Variants in AGXT2 observed in about 807,000 individuals in gnomAD.
The protein encoded by AGXT2 is alanine--glyoxylate aminotransferase 2, mitochondrial.
A neutral mutation model predicts 62.5 loss-of-function variants in AGXT2; 61 were observed. The observed-to-expected ratio is 0.98, with a 90% CI of 0.79 to 1.21. The LOEUF (loss-of-function observed/expected upper bound fraction) is 1.21, where lower values mean the gene tolerates loss of function less well. Among genes scored for constraint, AGXT2 ranks in the 50% most tolerant of loss-of-function variants. The probability of loss-of-function intolerance (pLI) is 0.00; values close to 1 mark genes in which losing one functional copy is unlikely to be tolerated. For missense variants in AGXT2, 666 were observed against 641.5 expected, an observed-to-expected ratio of 1.04 and a Z score of -0.41; for synonymous variants, 243 against 218.7, an observed-to-expected ratio of 1.11 and a Z score of -0.98.
chr5:35,042,544 T>G (rs1481247579), intron 1 of AGXT2, among the ~76,000 whole-genome samples: 3 of 152,104 alleles, frequency 2.0e-5, no homozygotes, highest in Admixed American at 1.3e-4. Flanking sequence ...TGATATTTGA[T>G]GGACAGAAAG....
At chr5:35,045,764 C>CTTTTTTTTTTT (rs1255749919) in intron 1 of AGXT2, among the ~76,000 whole-genome samples, 1 of 99,164 alleles carries the variant, frequency 1.0e-5, no homozygotes, top group Non-Finnish European at 2.0e-5. Flanking sequence ...TTTCTTTTTT[C>CTTTTTTTTTTT]TTTTTTTTTT....
chr5:35,016,207 A>T (rs1766844376), intron 9 of AGXT2, among the ~76,000 whole-genome samples: 1 of 152,226 alleles, frequency 6.6e-6, no homozygotes, highest in Non-Finnish European at 1.5e-5. Flanking sequence ...ATGGTGAAAA[A>T]TCAGATTGCT....
intron 1 of AGXT2, among the ~76,000 whole-genome samples, chr5:35,041,452 C>T (rs1033114182): frequency 6.6e-6 from 1 of 152,092 alleles, no homozygotes; most frequent in Non-Finnish European, 1.5e-5. Context: ...CCTCTGACTC[C>T]TAGCCCAGTA....
chr5:35,023,165 T>TAAAAAAA (rs35852974), intron 9 of AGXT2, among the ~76,000 whole-genome samples: 3 of 26,942 alleles, frequency 1.1e-4, no homozygotes, highest in Non-Finnish European at 4.0e-4. Flanking sequence ...ATGGCAGATG[T>TAAAAAAA]AAAAAAAAAA....
chr5:35,039,621 G>T, intron 2 of AGXT2, 113 bp from the exon 3 acceptor site: 2 of 1,153,608 alleles, frequency 1.7e-6, no homozygotes, highest in Non-Finnish European at 2.5e-6. Flanking sequence ...CTGCTGGCCT[G>T]TAGAGGCTCA....
intron 5 of AGXT2, among the ~76,000 whole-genome samples, chr5:35,034,690 C>T (rs1263238343): frequency 6.6e-6 from 1 of 152,136 alleles, no homozygotes; most frequent in East Asian, 1.9e-4. Context: ...AATCTATTAT[C>T]AGTGCTCAAA....
In AGXT2 at chr5:35,003,874, T is replaced by A. The variant is rs2112167332; in HGVS notation, c.1339-13A>T. 1 of 1,611,436 alleles carries A rather than the reference T, an allele frequency of 6.2e-7. No individual in the cohort carries two copies. Among genetic ancestry groups the A allele is most frequent in the South Asian group, 1.1e-5 (1 of 90,916 alleles). ...GCCGACAGCTTATCTGTAAATATAT[T>A]TTTAAAATTCTTTCTATTTGGTGTT... On this transcript the variant is annotated splice_polypyrimidine_tract_variant and intron_variant, in intron 12 of 13. Coordinates refer to ENST00000231420, the MANE Select transcript of AGXT2 (RefSeq NM_031900.4).
chr5:35,036,869 C>T (rs1767785916), intron 4 of AGXT2, 73 bp downstream of exon 4: 2 of 1,605,768 alleles, frequency 1.2e-6, no homozygotes, highest in East Asian at 2.2e-5. Context: ...AGACTCCTGT[C>T]TCTTTGAGCT....
At chr5:35,037,567 G>C (rs10941230) in intron 3 of AGXT2, among the ~76,000 whole-genome samples, 12,721 of 149,404 alleles carry the variant, frequency 0.085, 1,280 homozygotes, top group African/African-American at 0.24. Flanking sequence ...TAAGGGATGG[G>C]TTCTCACTGT....
At chr5:35,018,453 A>C (rs576652186) in intron 9 of AGXT2, among the ~76,000 whole-genome samples, 136 of 152,326 alleles carry the variant, frequency 8.9e-4, no homozygotes, top group African/African-American at 3.2e-3. Flanking sequence ...TAAACCCAGA[A>C]TTTCATATCC....
At chr5:35,035,474 A>G (rs344156) in intron 4 of AGXT2, among the ~76,000 whole-genome samples, 158 bp from the exon 5 acceptor site, 100,905 of 152,072 alleles carry the variant, frequency 0.66, 33,595 homozygotes, top group South Asian at 0.77. Flanking sequence ...TAACCACAGT[A>G]TGAATTCCAT....
In AGXT2 at chr5:35,013,088, C is replaced by T. The variant is rs755000445; in HGVS notation, c.1097-43G>A. ...AAGGTGTGGAAAGAGGGACACATTC[C>T]TGTCCACAATCTCTCATCGCGCCAT... On this transcript the variant is annotated intron_variant, in intron 10 of 13. Transcript: ENST00000231420. 8.6e-6 allele frequency: 13 copies of T among 1,508,138 alleles called. No homozygotes were observed. The South Asian group carries it at 1.4e-4, about 17-fold the overall frequency. The allele number at this position is 1,508,138 out of a possible 1,614,324, so 93.4% of individuals were successfully genotyped here.
At chr5:35,011,767 T>C (rs1766650317) in intron 11 of AGXT2, among the ~76,000 whole-genome samples, 1 of 151,938 alleles carries the variant, frequency 6.6e-6, no homozygotes, top group African/African-American at 2.4e-5. Context: ...ATCCCACTTC[T>C]GGGTATCTAC....
At chr5:35,019,333 T>C (rs1284055330) in intron 9 of AGXT2, among the ~76,000 whole-genome samples, 1 of 149,436 alleles carries the variant, frequency 6.7e-6, no homozygotes, top group African/African-American at 2.5e-5. Context: ...AGTAAAGCTC[T>C]CCTCAGCAAA....
chr5:35,028,558 TGAGAGAGAGAGA>T (rs541190371), intron 7 of AGXT2, among the ~76,000 whole-genome samples: 130 of 10,586 alleles, frequency 0.012, no homozygotes, highest in African/African-American at 0.028. Context: ...GCAGGAAAGG[TGAGAGAGAGAGA>T]GAGAGAGAGA....
intron 9 of AGXT2, among the ~76,000 whole-genome samples, chr5:35,022,400 A>T (rs1245487760): frequency 6.6e-6 from 1 of 152,148 alleles, no homozygotes; most frequent in Non-Finnish European, 1.5e-5. Flanking sequence ...GCCATAAAAA[A>T]TGATGAGTTC....
At chr5:35,029,317 A>G (rs1427496934) in intron 7 of AGXT2, among the ~76,000 whole-genome samples, 1 of 152,232 alleles carries the variant, frequency 6.6e-6, no homozygotes, top group African/African-American at 2.4e-5. Context: ...TAACAAGCCC[A>G]TTTGTAACTG....
chr5:35,037,853 TGA>T (rs1390680634), intron 3 of AGXT2, among the ~76,000 whole-genome samples: 1 of 152,244 alleles, frequency 6.6e-6, no homozygotes, highest in Non-Finnish European at 1.5e-5. Context: ...AGGTTCATAC[TGA>T]GAGATAATAG....
Position 35,035,253 on chromosome 5 carries a change from G to C in AGXT2, c.550C>G (p.His184Asp). The change falls in exon 5 of 14, where the codon CAC (histidine) becomes GAC (aspartate). Residue 184 changes from histidine to aspartate, a missense_variant. By Grantham distance (81) the His-to-Asp change is moderately conservative (BLOSUM62 -1). Coordinates refer to ENST00000231420, the MANE Select transcript of AGXT2 (RefSeq NM_031900.4). Reference sequence around the variant, plus strand: ...GAAATGATGTCTATGTTGTTTGAGTGCGCCCTGGCCATCAGCATGGCCAGC... The same window carrying C: ...GAAATGATGTCTATGTTGTTTGAGTCCGCCCTGGCCATCAGCATGGCCAGC... The part of the protein sequence containing the change: ...NELAMLMARA[H>D]SNNIDIISFR... 6.2e-7 allele frequency: 1 copy of C among 1,614,132 alleles called. No individual in the cohort carries two copies. Among genetic ancestry groups the C allele is most frequent in the African/African-American group, 1.3e-5 (1 of 75,038 alleles).
Sources: allele counts gnomAD v4.1 joint callset (sites outside exome capture counted in the v4.1 genomes callset), GRCh38; gene constraint gnomAD v4.1.1; transcripts MANE v1.5; gene names NCBI Gene and HGNC (gene_info 2026-07-23, HGNC 2026-07-21).